Variants in CEP170 observed in about 807,000 individuals in gnomAD.
The protein encoded by CEP170 is centrosomal protein of 170 kDa.
A neutral mutation model predicts 151.9 loss-of-function variants in CEP170; 21 were observed. The observed-to-expected ratio is 0.14, with a 90% CI of 0.10 to 0.20. CEP170 has a LOEUF of 0.20. CEP170 is among the 10% of genes least tolerant of loss of function. The probability of loss-of-function intolerance (pLI) is 1.00; values close to 1 mark genes in which losing one functional copy is unlikely to be tolerated. For synonymous variants in CEP170, 356 were observed against 648.8 expected (o/e 0.55, Z 6.86); for missense variants, 964 against 1,892.9 (o/e 0.51, Z 9.11).
chr1:243,203,675 T>C (rs1359772397), intron 4 of CEP170, among the ~76,000 whole-genome samples: 1 of 152,094 alleles, frequency 6.6e-6, no homozygotes, highest in Non-Finnish European at 1.5e-5. Flanking sequence ...TTAATATATT[T>C]CATACATGTG....
chr1:243,144,157 C>T (rs2056199484), intron 14 of CEP170, among the ~76,000 whole-genome samples: 1 of 152,274 alleles, frequency 6.6e-6, no homozygotes, highest in East Asian at 1.9e-4. Flanking sequence ...GTCCTTGTCC[C>T]CATGAAGCTT....
intron 1 of CEP170, among the ~76,000 whole-genome samples, chr1:243,232,144 T>G (rs894310393): frequency 1.3e-5 from 2 of 152,048 alleles, no homozygotes; most frequent in Non-Finnish European, 2.9e-5. Flanking sequence ...TTTTGTATTT[T>G]TTTAGAGATG....
chr1:243,143,787 G>A (rs531539809), intron 14 of CEP170, among the ~76,000 whole-genome samples: 5 of 150,214 alleles, frequency 3.3e-5, no homozygotes, highest in African/African-American at 1.2e-4. Flanking sequence ...GGCTGGTCTC[G>A]AACTCCTGAG....
At chr1:243,134,021 T>C (rs1306643634) in intron 17 of CEP170, among the ~76,000 whole-genome samples, 4 of 152,230 alleles carry the variant, frequency 2.6e-5, no homozygotes, top group African/African-American at 9.6e-5. Flanking sequence ...ATTGTTATTA[T>C]ACTTTTTATC....
chr1:243,225,144 T>A, intron 2 of CEP170, 32 bp downstream of exon 2: 1 of 1,335,926 alleles, frequency 7.5e-7, no homozygotes, highest in Non-Finnish European at 1.0e-6. Flanking sequence ...AAGTTTTGAA[T>A]AAACACATAT....
intron 1 of CEP170, among the ~76,000 whole-genome samples, chr1:243,238,482 A>G (rs887030008): frequency 6.6e-6 from 1 of 152,150 alleles, no homozygotes; most frequent in Admixed American, 6.5e-5. Flanking sequence ...ATAGTGATAT[A>G]TTTCATTTAG....
intron 12 of CEP170, among the ~76,000 whole-genome samples, chr1:243,166,736 A>G (rs1156622581): frequency 6.6e-6 from 1 of 152,092 alleles, no homozygotes; most frequent in Non-Finnish European, 1.5e-5. Context: ...CTCCTTTCAT[A>G]TATTTAATTT....
In CEP170 at chr1:243,164,892, G is replaced by A. The variant is rs531412387; in HGVS notation, c.3068C>T (p.Thr1023Ile). The A allele has an allele frequency of 1.2e-6, 2 of 1,613,834 alleles. No individual in the cohort carries two copies. Among genetic ancestry groups the A allele is most frequent in the Admixed American group, 1.7e-5 (1 of 60,024 alleles). The change falls in exon 13 of 20, where the codon ACA becomes ATA. Residue 1023 changes from threonine (T) to isoleucine (I), a missense_variant. By Grantham distance (89) the Thr-to-Ile change is moderately conservative. Coordinates refer to ENST00000366542, the MANE Select transcript of CEP170 (RefSeq NM_014812.3). ...TACACTAGAGGTTTGGTCATCATCT[G>A]TTAAGTCTACTGAGGGCTGTCTTAT... ...GRIRQPSVDL[T>I]DDDQTSSVPH...
chr1:243,137,656 T>A (rs1445821465), intron 16 of CEP170, among the ~76,000 whole-genome samples: 2 of 151,750 alleles, frequency 1.3e-5, no homozygotes, highest in African/African-American at 4.8e-5. Context: ...GTGCCTGTAG[T>A]CCCAGCTACT....
chr1:243,210,931 G>A (rs2061746652), intron 4 of CEP170, among the ~76,000 whole-genome samples: 3 of 151,768 alleles, frequency 2.0e-5, no homozygotes, highest in Admixed American at 1.3e-4. Context: ...ACTATTTCTC[G>A]TAAATGTCAA....
intron 4 of CEP170, among the ~76,000 whole-genome samples, chr1:243,202,491 T>C (rs1487434001): frequency 6.6e-6 from 1 of 152,078 alleles, no homozygotes; most frequent in Non-Finnish European, 1.5e-5. Context: ...GATTAAGCTA[T>C]TATAAGAAAA....
Position 243,225,315 on chromosome 1 carries a change from C to A in CEP170, c.-35G>T. ...AGCTTCTAAGTCTTTGGCAAAGCTA[C>A]GTCATCCTGAAGAGAAACATGAAGA... On this transcript the variant is annotated 5_prime_UTR_variant, in exon 2 of 20. Coordinates refer to ENST00000366542, the MANE Select transcript of CEP170 (RefSeq NM_014812.3). 9 of 1,333,682 alleles carry A rather than the reference C, an allele frequency of 6.7e-6. No individual in the cohort carries two copies. Among genetic ancestry groups the A allele is most frequent in the Non-Finnish European group, 9.3e-6 (9 of 967,872 alleles). The allele number at this position is 1,333,682 out of a possible 1,614,324, so 82.6% of individuals were successfully genotyped here. A position where few individuals can be genotyped will look rare whatever the true frequency, so the allele number is the denominator to read the frequency against.
chr1:243,145,336 G>A (rs2056338435), intron 14 of CEP170, among the ~76,000 whole-genome samples: 1 of 152,166 alleles, frequency 6.6e-6, no homozygotes. Context: ...GTGCAGTGGT[G>A]CAATCTCAGC....
intron 2 of CEP170, among the ~76,000 whole-genome samples, 198 bp from the exon 3 acceptor site, chr1:243,222,011 A>C (rs1423907178): frequency 6.6e-6 from 1 of 152,212 alleles, no homozygotes; most frequent in Non-Finnish European, 1.5e-5. Flanking sequence ...GAAAACATAA[A>C]ATTTTAAAGA....
Position 243,221,828 on chromosome 1 carries a change from G to A in CEP170, c.106-15C>T. On this transcript the variant is annotated splice_polypyrimidine_tract_variant and intron_variant, in intron 2 of 19. Transcript: ENST00000366542. ...ACACTACGAGACTGAAAGGAATGTT[G>A]TCAGTTAATAAATATAAGAAAATAC... The A allele has an allele frequency of 1.9e-6, 3 of 1,596,512 alleles. No homozygotes were observed. The highest frequency in any genetic ancestry group is 2.6e-6 in the Non-Finnish European group (3 of 1,172,448).
At position 243,209,987 on chromosome 1, in the gene CEP170, C is replaced by A. The variant is rs373225977; in HGVS notation, c.274+1899G>T. ...GGATTACAGGCATGAGCCACCGTGG[C>A]TGGCTAACAGATGCTATTTTAAAAT... On this transcript the variant is annotated intron_variant, in intron 4 of 19. Transcript: ENST00000366542. 2.4e-4 allele frequency among the ~76,000 whole-genome samples: 36 copies of A among 152,334 alleles called. No homozygotes were observed. In the South Asian group the frequency reaches 6.2e-3, roughly 26 times the overall value.
At chr1:243,222,597 G>A (rs569539766) in intron 2 of CEP170, among the ~76,000 whole-genome samples, 63 of 152,266 alleles carry the variant, frequency 4.1e-4, no homozygotes, top group African/African-American at 1.4e-3. Context: ...CATGTATTAC[G>A]GGGTTACTGT....
intron 1 of CEP170, among the ~76,000 whole-genome samples, chr1:243,230,285 A>C (rs2063622304): frequency 6.6e-6 from 1 of 152,184 alleles, no homozygotes; most frequent in Non-Finnish European, 1.5e-5. Context: ...TGGGCAACAG[A>C]GTGAAACACT....
chr1:243,216,097 A>G (rs1194157233), intron 3 of CEP170, among the ~76,000 whole-genome samples: 1 of 152,106 alleles, frequency 6.6e-6, no homozygotes, highest in Non-Finnish European at 1.5e-5. Flanking sequence ...TAGAACACAG[A>G]ACAAAGGTTA....
Sources: allele counts gnomAD v4.1 joint callset (sites outside exome capture counted in the v4.1 genomes callset), GRCh38; gene constraint gnomAD v4.1.1; transcripts MANE v1.5; gene names NCBI Gene and HGNC (gene_info 2026-07-23, HGNC 2026-07-21).